PBRM1: variants seen among roughly 807,000 people sequenced by gnomAD.
The protein encoded by PBRM1 is polybromo 1, also known as protein polybromo-1.
A neutral mutation model predicts 194.5 loss-of-function variants in PBRM1; 27 were observed. The ratio of observed to expected loss-of-function variants is 0.14; its 90% CI spans 0.10 to 0.19. PBRM1 has a LOEUF of 0.19. Ranked by LOEUF, PBRM1 falls within the 10% of genes least tolerant of loss-of-function variation. The probability of loss-of-function intolerance (pLI) is 1.00; values close to 1 mark genes in which losing one functional copy is unlikely to be tolerated. For missense variants in PBRM1, 1,466 were observed against 2,077.2 expected (o/e 0.71, Z 5.72); for synonymous variants, 655 against 693.2 (o/e 0.94, Z 0.87).
chr3:52,589,975 T>A (rs971909030), intron 17 of PBRM1, among the ~76,000 whole-genome samples: 1 of 151,852 alleles, frequency 6.6e-6, no homozygotes. Flanking sequence ...ATTACAGGCA[T>A]GCACCACCAC....
intron 5 of PBRM1, among the ~76,000 whole-genome samples, chr3:52,653,384 G>C (rs996939608): frequency 6.6e-6 from 1 of 152,094 alleles, no homozygotes; most frequent in African/African-American, 2.4e-5. Flanking sequence ...GAAGTCAGGA[G>C]TTCGAGACTA....
chr3:52,548,838 A>C (rs1361065954), intron 29 of PBRM1, among the ~76,000 whole-genome samples: 2 of 152,198 alleles, frequency 1.3e-5, no homozygotes, highest in Non-Finnish European at 2.9e-5. Context: ...TTCTACTCTA[A>C]AGAAATGAAA....
At chr3:52,572,202 G>A (rs555156213) in intron 22 of PBRM1, among the ~76,000 whole-genome samples, 10 of 150,890 alleles carry the variant, frequency 6.6e-5, no homozygotes, top group Non-Finnish European at 1.2e-4. Flanking sequence ...CCTTACTGAG[G>A]ACAGTTTTTA....
chr3:52,638,721 G>C (rs1299739885), intron 10 of PBRM1, among the ~76,000 whole-genome samples: 2 of 151,792 alleles, frequency 1.3e-5, no homozygotes, highest in African/African-American at 2.4e-5. Context: ...AGCCTACCAA[G>C]TAGGTAGGAC....
intron 16 of PBRM1, among the ~76,000 whole-genome samples, chr3:52,606,190 A>C (rs1194523303): frequency 6.6e-6 from 1 of 151,562 alleles, no homozygotes; most frequent in African/African-American, 2.4e-5. Context: ...TTTTAAGTAG[A>C]GCTAAGGAAG....
At chr3:52,633,828 A>C (rs1268980779) in intron 11 of PBRM1, among the ~76,000 whole-genome samples, 1 of 152,136 alleles carries the variant, frequency 6.6e-6, no homozygotes, top group African/African-American at 2.4e-5. Context: ...GGTCCATTCA[A>C]GACCTTTGCC....
In PBRM1 at chr3:52,609,584, C is replaced by A; in HGVS notation, c.2296G>T (p.Asp766Tyr). Reference sequence around the variant, plus strand: ...ACATTTGGGACATGAGAGTCCTCATCTCCCTCCAGGTCTCTGCGTGTTTCA... The same window carrying A: ...ACATTTGGGACATGAGAGTCCTCATATCCCTCCAGGTCTCTGCGTGTTTCA... Residue 766 changes from aspartate (D) to tyrosine (Y), a missense_variant, in exon 16 of 30, where the codon GAT becomes TAT. Physicochemically the swap from Asp to Tyr is radical, Grantham distance 160 (BLOSUM62 -3). This residue lies in a region of PBRM1 where 687 missense variants were observed against 946.2 expected (regional missense o/e 0.73). Coordinates refer to ENST00000296302, the Ensembl canonical transcript of PBRM1. The surrounding 1 kb of genome is among the most constrained non-coding windows in gnomAD (Gnocchi z 4.1). 1 of 1,613,232 alleles carries A rather than the reference C, an allele frequency of 6.2e-7. No homozygotes were observed. The highest frequency in any genetic ancestry group is 1.1e-5 in the South Asian group (1 of 90,886).
At chr3:52,569,384 G>A (rs2086334443) in intron 22 of PBRM1, among the ~76,000 whole-genome samples, 1 of 151,966 alleles carries the variant, frequency 6.6e-6, no homozygotes, top group Non-Finnish European at 1.5e-5. Flanking sequence ...CTAACTTTTT[G>A]TATTTTTAGT....
chr3:52,562,407 AGCTG>A (rs2083848674), intron 24 of PBRM1, among the ~76,000 whole-genome samples: 1 of 152,032 alleles, frequency 6.6e-6, no homozygotes, highest in South Asian at 2.1e-4. Flanking sequence ...TTTGGTTTAT[AGCTG>A]GCTATTTTCT....
upstream of PBRM1, chr3:52,681,183 G>A (rs1372322007): frequency 6.6e-6 from 1 of 151,716 alleles, no homozygotes; most frequent in Non-Finnish European, 1.5e-5. Context: ...GATTAGAACA[G>A]GAGAACACTG....
intron 25 of PBRM1, among the ~76,000 whole-genome samples, chr3:52,558,961 A>G (rs1324309990): frequency 6.6e-6 from 1 of 152,232 alleles, no homozygotes; most frequent in African/African-American, 2.4e-5. Flanking sequence ...AAAGTAGCTG[A>G]CTGCCTCCTT....
At chr3:52,644,777 T>C in exon 8 of PBRM1, 1 of 1,462,042 alleles carries the variant, frequency 6.8e-7, no homozygotes, top group Non-Finnish European at 9.6e-7. Context: ...ATTTTTTTAA[T>C]TGAATTTGCA....
chr3:52,586,341 A>T, intron 20 of PBRM1, 84 bp downstream of exon 22: 1 of 1,179,118 alleles, frequency 8.5e-7, no homozygotes, highest in South Asian at 1.5e-5. Flanking sequence ...CTCTTTTTCT[A>T]AGTTTGAATA....
chr3:52,634,701 C>T, exon 11 of PBRM1: 1 of 1,613,380 alleles, frequency 6.2e-7, no homozygotes, highest in Non-Finnish European at 8.5e-7. Context: ...TATTAGCTGC[C>T]CTTGGTTATT....
Position 52,629,041 on chromosome 3 carries a change from A to G in PBRM1, c.1302-6T>C, listed in dbSNP as rs1264509234. 1 of 1,579,714 alleles carries G rather than the reference A, an allele frequency of 6.3e-7. No individual in the cohort carries two copies. Among genetic ancestry groups the G allele is most frequent in the Non-Finnish European group, 8.6e-7 (1 of 1,161,748 alleles). ...CTTGATTCTTCAGTTTTGTTCTGTG[A>G]AAGACAAAGAAATTGCTAGAATTTT... On this transcript the variant is annotated splice_polypyrimidine_tract_variant and splice_region_variant and intron_variant, in intron 11 of 29. Transcript: ENST00000296302.
chr3:52,594,668 T>A (rs2093401009), intron 17 of PBRM1, among the ~76,000 whole-genome samples: 1 of 152,228 alleles, frequency 6.6e-6, no homozygotes, highest in Admixed American at 6.5e-5. Context: ...GTTGTGTCAT[T>A]GGTCTATATA....
At chr3:52,562,284 G>A (rs1465825888) in intron 24 of PBRM1, among the ~76,000 whole-genome samples, 6 of 149,134 alleles carry the variant, frequency 4.0e-5, no homozygotes, top group South Asian at 2.1e-4. Context: ...CCAAGACGGC[G>A]CCACTGCACT....
intron 10 of PBRM1, among the ~76,000 whole-genome samples, chr3:52,638,987 G>C (rs397875454): frequency 1.2e-5 from 1 of 81,300 alleles, no homozygotes; most frequent in Non-Finnish European, 2.6e-5. Flanking sequence ...ATTTTTTTTT[G>C]GGGGGGGGGG....
chr3:52,565,479 G>C (rs2084892572), intron 22 of PBRM1, among the ~76,000 whole-genome samples: 1 of 151,612 alleles, frequency 6.6e-6, no homozygotes, highest in South Asian at 2.1e-4. Flanking sequence ...GTGCACTCCA[G>C]CCTGGGCAAT....
Sources: gnomAD v4.1 joint callset for allele counts (sites outside exome capture counted in the v4.1 genomes callset) on GRCh38, gnomAD v4.1.1 for gene constraint, gnomAD v4.1.1 regional missense constraint, Gnocchi (gnomAD v3.1) non-coding constraint, MANE v1.5 for transcripts, NCBI Gene and HGNC (gene_info 2026-07-23, HGNC 2026-07-21) for gene names.